SLC44A5: variants seen among roughly 807,000 people sequenced by gnomAD.
SLC44A5 encodes solute carrier family 44 member 5, also known as choline transporter-like protein 5.
In SLC44A5, 57 loss-of-function variants were observed where a neutral mutation model predicts 101.8. The ratio of observed to expected loss-of-function variants is 0.56; its 90% CI spans 0.45 to 0.70. The LOEUF (loss-of-function observed/expected upper bound fraction) is 0.70. Among genes scored for constraint, SLC44A5 ranks in the 30% least tolerant of loss-of-function variants. The pLI is 0.00. For synonymous variants in SLC44A5, 281 were observed against 290.9 expected (o/e 0.97, Z 0.35); for missense variants, 737 against 853.1 (o/e 0.86, Z 1.70).
At chr1:75,519,897 C>T (rs1670026762) in intron 2 of SLC44A5, among the ~76,000 whole-genome samples, 1 of 152,224 alleles carries the variant, frequency 6.6e-6, no homozygotes, top group African/African-American at 2.4e-5. Flanking sequence ...TGGCCATTTC[C>T]CTTTAGAGTT....
chr1:75,483,845 A>G (rs138955811), intron 2 of SLC44A5, among the ~76,000 whole-genome samples: 162 of 152,268 alleles, frequency 1.1e-3, no homozygotes, highest in African/African-American at 3.7e-3. Context: ...AATTACAATC[A>G]TGGCAGAAGG....
chr1:75,244,993 T>C (rs754410731), intron 7 of SLC44A5, among the ~76,000 whole-genome samples: 2 of 152,128 alleles, frequency 1.3e-5, no homozygotes, highest in Non-Finnish European at 2.9e-5. Flanking sequence ...ACACTGCTGC[T>C]TAGCTGACAT....
chr1:75,394,956 A>G (rs530801837), intron 3 of SLC44A5, among the ~76,000 whole-genome samples: 94 of 152,174 alleles, frequency 6.2e-4, no homozygotes, highest in African/African-American at 2.2e-3. Context: ...GCCATGACTC[A>G]GCAGAGTTAT....
At chr1:75,376,291 G>A (rs1410133914) in intron 3 of SLC44A5, among the ~76,000 whole-genome samples, 2 of 152,240 alleles carry the variant, frequency 1.3e-5, no homozygotes. Flanking sequence ...GGCTTGCCTA[G>A]GTAAACAAAG....
the SLC44A5 span, among the ~76,000 whole-genome samples, chr1:75,671,811 T>C: frequency 7.9e-5 from 12 of 152,230 alleles, no homozygotes; most frequent in Non-Finnish European, 1.8e-4. Context: ...CAAGCTGTAT[T>C]CTGATACAGG....
At chr1:75,495,149 G>A (rs1343837236) in intron 2 of SLC44A5, among the ~76,000 whole-genome samples, 4 of 152,100 alleles carry the variant, frequency 2.6e-5, no homozygotes, top group Admixed American at 2.0e-4. Flanking sequence ...TAATTTGCCT[G>A]TTGGAGTTAA....
intron 3 of SLC44A5, among the ~76,000 whole-genome samples, chr1:75,356,764 G>A (rs959631351): frequency 1.3e-5 from 2 of 152,110 alleles, no homozygotes; most frequent in African/African-American, 2.4e-5. Context: ...TTACAGGTGT[G>A]CCATTTTAAA....
chr1:75,720,517 C>T, the SLC44A5 span: 2 of 152,296 alleles, frequency 1.3e-5, no homozygotes, highest in Non-Finnish European at 2.9e-5. Context: ...GATTGTTTGG[C>T]ATGATGCCAA....
the SLC44A5 span, among the ~76,000 whole-genome samples, chr1:75,640,024 G>C: frequency 1.3e-5 from 2 of 151,988 alleles, no homozygotes; most frequent in Non-Finnish European, 2.9e-5. Context: ...GTACTGAAAG[G>C]GGGAAAAGGC....
rs775604974 is a variant in SLC44A5, at chr1:75,213,774, G to C, written c.1893C>G (p.Phe631Leu). 2 of 1,612,230 alleles carry C rather than the reference G, an allele frequency of 1.2e-6. No individual in the cohort carries two copies. Among genetic ancestry groups the C allele is most frequent in the East Asian group, 4.5e-5 (2 of 44,826 alleles). Residue 631 changes from phenylalanine to leucine, a missense_variant, in exon 22 of 24, where the codon TTC (phenylalanine) becomes TTG (leucine). Physicochemically the swap from Phe to Leu is conservative, Grantham distance 22. Coordinates refer to ENST00000370859, the MANE Select transcript of SLC44A5 (RefSeq NM_001130058.2). ...AGSIGVLAFLFFTQRLPVIAQ... is the reference protein window; with the variant it reads ...AGSIGVLAFLLFTQRLPVIAQ... ...CAATCACTGGCAGTCTTTGTGTGAA[G>C]AATAGGAAGGCCAGAACACCTACAT...
intron 4 of SLC44A5, among the ~76,000 whole-genome samples, chr1:75,324,832 G>A: frequency 6.6e-6 from 1 of 152,036 alleles, no homozygotes; most frequent in Non-Finnish European, 1.5e-5. Context: ...TTTTAAAAAT[G>A]TTTTTACTGA....
At chr1:75,253,668 G>T (rs562530653) in intron 6 of SLC44A5, among the ~76,000 whole-genome samples, 1 of 152,166 alleles carries the variant, frequency 6.6e-6, no homozygotes, top group Non-Finnish European at 1.5e-5. Flanking sequence ...GATCACTGGG[G>T]TCCCTTGGGA....
rs776467659 is a variant in SLC44A5 at position 75,274,950 on chromosome 1, A to T, written c.260+8T>A. 1.2e-6 allele frequency: 2 copies of T among 1,609,364 alleles called. No homozygotes were observed. Among genetic ancestry groups the T allele is most frequent in the Admixed American group, 3.4e-5 (2 of 59,622 alleles). On this transcript the variant is annotated splice_region_variant and intron_variant, in intron 6 of 23. Transcript: ENST00000370859. ...AAAATCACACAAAGCAAAGGTGGCC[A>T]TACTCACTCATTGGGAGTGCCCTTC...
At chr1:75,556,017 A>T (rs1246196311) in intron 1 of SLC44A5, among the ~76,000 whole-genome samples, 1 of 152,122 alleles carries the variant, frequency 6.6e-6, no homozygotes, top group Non-Finnish European at 1.5e-5. Flanking sequence ...AGAAAATAAA[A>T]ACTAATCTAT....
chr1:75,215,215 T>C (rs1646936965), intron 19 of SLC44A5, among the ~76,000 whole-genome samples: 1 of 151,992 alleles, frequency 6.6e-6, no homozygotes, highest in Non-Finnish European at 1.5e-5. Context: ...GGTTATACTG[T>C]AGCTTTCTAA....
At chr1:75,621,178 G>T in the SLC44A5 span, among the ~76,000 whole-genome samples, 2 of 152,108 alleles carry the variant, frequency 1.3e-5, no homozygotes, top group Admixed American at 6.6e-5. Context: ...TGATGACAAG[G>T]TTCTGACAAT....
At chr1:75,617,786 G>A in the SLC44A5 span, among the ~76,000 whole-genome samples, 1 of 151,972 alleles carries the variant, frequency 6.6e-6, no homozygotes, top group Admixed American at 6.5e-5. Context: ...TACTCTTCTA[G>A]GTCTTCAAAT....
chr1:75,558,643 A>C (rs211698), intron 1 of SLC44A5, among the ~76,000 whole-genome samples: 2 of 152,070 alleles, frequency 1.3e-5, no homozygotes, highest in African/African-American at 4.8e-5. Flanking sequence ...AACTACAGGA[A>C]ATGAACGATG....
intron 2 of SLC44A5, among the ~76,000 whole-genome samples, chr1:75,413,821 A>G (rs1232479351): frequency 6.6e-6 from 1 of 152,180 alleles, no homozygotes; most frequent in Non-Finnish European, 1.5e-5. Context: ...CTGTTCCTCT[A>G]TGCCAAAAAG....
Sources: gnomAD v4.1 joint callset for allele counts (sites outside exome capture counted in the v4.1 genomes callset) on GRCh38, gnomAD v4.1.1 for gene constraint, MANE v1.5 for transcripts, NCBI Gene and HGNC (gene_info 2026-07-23, HGNC 2026-07-21) for gene names.